Variants in ATG5 observed in about 807,000 individuals in gnomAD.
ATG5 encodes the protein autophagy related 5.
In ATG5, 14 loss-of-function variants were observed where a neutral mutation model predicts 36.5. The observed-to-expected ratio is 0.38, with a 90% CI of 0.25 to 0.60. The LOEUF (loss-of-function observed/expected upper bound fraction) is 0.60. Among genes scored for constraint, ATG5 ranks in the 20% least tolerant of loss-of-function variants. ATG5 has a pLI of 0.60. For missense variants in ATG5, 195 were observed against 326.7 expected (o/e 0.60, Z 3.11); for synonymous variants, 95 against 101.5 (o/e 0.94, Z 0.38).
At chr6:106,271,277 C>T (rs1434245455) in intron 5 of ATG5, among the ~76,000 whole-genome samples, 1 of 152,132 alleles carries the variant, frequency 6.6e-6, no homozygotes, top group African/African-American at 2.4e-5. Context: ...ATGTTTACAT[C>T]CCCCTATAAT....
chr6:106,271,017 A>G (rs1056646868), intron 5 of ATG5, among the ~76,000 whole-genome samples: 2 of 152,190 alleles, frequency 1.3e-5, no homozygotes, highest in Non-Finnish European at 2.9e-5. Context: ...AGCCACTTTC[A>G]TTCTGGACTC....
chr6:106,215,388 G>A (rs1272469815), intron 6 of ATG5, among the ~76,000 whole-genome samples: 1 of 151,996 alleles, frequency 6.6e-6, no homozygotes, highest in Non-Finnish European at 1.5e-5. Flanking sequence ...TGGGTTCTGT[G>A]GTGAACGCTA....
intron 6 of ATG5, among the ~76,000 whole-genome samples, chr6:106,238,207 G>A (rs1777972333): frequency 1.3e-5 from 2 of 152,086 alleles, no homozygotes; most frequent in South Asian, 4.1e-4. Context: ...GTCTTGCTCT[G>A]TAGCCCAGGC....
At chr6:106,263,162 G>A (rs1266547434) in intron 5 of ATG5, among the ~76,000 whole-genome samples, 1 of 152,190 alleles carries the variant, frequency 6.6e-6, no homozygotes, top group Non-Finnish European at 1.5e-5. Context: ...GGTGCGGGGA[G>A]GGGCATCTGA....
chr6:106,269,902 C>T (rs1259212486), intron 5 of ATG5, among the ~76,000 whole-genome samples: 1 of 152,206 alleles, frequency 6.6e-6, no homozygotes, highest in African/African-American at 2.4e-5. Context: ...AGTAGGAGCC[C>T]AGGCAGAGGA....
intron 7 of ATG5, among the ~76,000 whole-genome samples, chr6:106,193,443 A>G (rs1369105639): frequency 1.3e-5 from 2 of 152,286 alleles, no homozygotes; most frequent in East Asian, 3.9e-4. Flanking sequence ...ACTTTTGCTT[A>G]TAATCTCTGT....
At chr6:106,318,522 T>G (rs769727231) in intron 1 of ATG5, among the ~76,000 whole-genome samples, 22 of 152,218 alleles carry the variant, frequency 1.4e-4, no homozygotes, top group Non-Finnish European at 2.8e-4. Flanking sequence ...CAGCAAAGTT[T>G]ACCAAAGTTC....
At chr6:106,207,466 C>T (rs947448635) in intron 6 of ATG5, among the ~76,000 whole-genome samples, 4 of 150,616 alleles carry the variant, frequency 2.7e-5, no homozygotes, top group East Asian at 2.0e-4. Flanking sequence ...TTCAGGAGAC[C>T]GAGGTGGGAG....
chr6:106,316,812 C>T (rs565342466), intron 1 of ATG5, among the ~76,000 whole-genome samples: 1 of 152,290 alleles, frequency 6.6e-6, no homozygotes, highest in Admixed American at 6.5e-5. Context: ...ATCCTCTCTA[C>T]AATTTAATCC....
intron 1 of ATG5, among the ~76,000 whole-genome samples, chr6:106,322,683 C>G (rs1771134049): frequency 6.6e-6 from 1 of 152,200 alleles, no homozygotes. Context: ...TCTCTCCAAA[C>G]TGTAAATGTT....
chr6:106,225,055 T>A (rs1171451506), intron 6 of ATG5, among the ~76,000 whole-genome samples: 2 of 152,230 alleles, frequency 1.3e-5, no homozygotes, highest in Non-Finnish European at 2.9e-5. Context: ...TTTAAGTCAA[T>A]AACATCTAAT....
rs1490574648 is a variant in ATG5 at position 106,185,893 on chromosome 6, T to C, written c.*647A>G. ...CTACTGTATGTGAGTCAGAAAGTACTTGAAAAGTGACAAAACTGTATGTTA... is the reference window on the plus strand; with the variant it reads ...CTACTGTATGTGAGTCAGAAAGTACCTGAAAAGTGACAAAACTGTATGTTA... On this transcript the variant is annotated 3_prime_UTR_variant, in exon 8 of 8. Transcript: ENST00000369076. 1 of 152,756 alleles carries C rather than the reference T, an allele frequency of 6.5e-6. No homozygotes were observed. The highest frequency in any genetic ancestry group is 2.4e-5 in the African/African-American group (1 of 41,434). 9.5% of individuals were successfully genotyped at this position (152,756 alleles called of 1,614,324 possible). A position where few individuals can be genotyped will look rare whatever the true frequency, so the allele number is the denominator to read the frequency against.
intron 5 of ATG5, among the ~76,000 whole-genome samples, chr6:106,268,866 C>T (rs1242118385): frequency 6.6e-6 from 1 of 150,900 alleles, no homozygotes; most frequent in Non-Finnish European, 1.5e-5. Context: ...ATCACACACA[C>T]GGGGGCCTGT....
intron 6 of ATG5, among the ~76,000 whole-genome samples, chr6:106,237,398 G>A (rs1342729559): frequency 6.6e-6 from 1 of 152,058 alleles, no homozygotes; most frequent in Non-Finnish European, 1.5e-5. Flanking sequence ...TTGCAAAAAA[G>A]ATATTTCTTT....
At chr6:106,295,026 G>A (rs780097751) in intron 3 of ATG5, among the ~76,000 whole-genome samples, 10 of 148,122 alleles carry the variant, frequency 6.8e-5, no homozygotes, top group Non-Finnish European at 1.5e-4. Context: ...AAAAACTCTC[G>A]CCTCAGTCAA....
At chr6:106,293,720 T>A (rs1780418523) in intron 3 of ATG5, among the ~76,000 whole-genome samples, 1 of 152,158 alleles carries the variant, frequency 6.6e-6, no homozygotes, top group African/African-American at 2.4e-5. Context: ...ATTCTAAATT[T>A]AAAAAAATAA....
intron 5 of ATG5, among the ~76,000 whole-genome samples, chr6:106,275,893 A>G (rs1479837544): frequency 1.3e-5 from 2 of 152,310 alleles, no homozygotes; most frequent in Non-Finnish European, 2.9e-5. Flanking sequence ...GTCTCCTCAT[A>G]ATGATTTAAC....
In ATG5 at chr6:106,269,942, A is replaced by T. The variant is rs375897501; in HGVS notation, c.478+9719T>A. Among the ~76,000 whole-genome samples, 10 of 152,352 alleles carry T rather than the reference A, an allele frequency of 6.6e-5. No homozygotes were observed. The East Asian group carries it at 1.3e-3, about 21-fold the overall frequency. Reference sequence around the variant, plus strand: ...CCGAGAGCGAGCAAGGGCTGTGAGGACTGCCAGCACGCTGTCACCTCTCAT... The same window carrying T: ...CCGAGAGCGAGCAAGGGCTGTGAGGTCTGCCAGCACGCTGTCACCTCTCAT... On this transcript the variant is annotated intron_variant, in intron 5 of 7. Coordinates refer to ENST00000369076, the MANE Select transcript of ATG5 (RefSeq NM_004849.4).
intron 5 of ATG5, among the ~76,000 whole-genome samples, chr6:106,262,460 C>G (rs1408174520): frequency 6.6e-6 from 1 of 152,222 alleles, no homozygotes; most frequent in East Asian, 1.9e-4. Flanking sequence ...AAGAAGCTAA[C>G]AGACAAAACA....
Sources: allele counts gnomAD v4.1 joint callset (sites outside exome capture counted in the v4.1 genomes callset), GRCh38; gene constraint gnomAD v4.1.1; transcripts MANE v1.5; gene names NCBI Gene and HGNC (gene_info 2026-07-23, HGNC 2026-07-21).